The following TSPAN18 variants were observed in gnomAD, a reference collection of about 807,000 sequenced individuals.
TSPAN18 encodes tetraspanin 18.
In TSPAN18, 14 loss-of-function variants were observed where a neutral mutation model predicts 27.3. The ratio of observed to expected loss-of-function variants is 0.51; its 90% CI spans 0.34 to 0.80. TSPAN18 has a LOEUF of 0.80. Ranked by LOEUF, TSPAN18 falls within the 30% of genes least tolerant of loss-of-function variation. TSPAN18 has a pLI of 0.01. For missense variants in TSPAN18, 268 were observed against 323.9 expected (o/e 0.83, Z 1.32); for synonymous variants, 143 against 136.5 (o/e 1.05, Z -0.33).
chr11:44,850,351 T>C (rs1857572398), intron 2 of TSPAN18, among the ~76,000 whole-genome samples: 1 of 152,036 alleles, frequency 6.6e-6, no homozygotes, highest in South Asian at 2.1e-4. Flanking sequence ...CTTGTGTGGT[T>C]GGGGTGTGGT....
At chr11:44,815,312 G>A (rs1856798553) in intron 2 of TSPAN18, among the ~76,000 whole-genome samples, 1 of 152,194 alleles carries the variant, frequency 6.6e-6, no homozygotes, top group Admixed American at 6.5e-5. Context: ...TCGAAACAAG[G>A]GACCAAAATG....
chr11:44,883,153 G>A (rs934177937), intron 3 of TSPAN18, among the ~76,000 whole-genome samples: 4 of 152,164 alleles, frequency 2.6e-5, no homozygotes, highest in Admixed American at 6.5e-5. Context: ...CAAGAGTTCT[G>A]TTTCATTAAA....
chr11:44,769,003 C>G (rs548858807), intron 2 of TSPAN18, among the ~76,000 whole-genome samples: 3 of 148,482 alleles, frequency 2.0e-5, no homozygotes, highest in African/African-American at 7.5e-5. Context: ...TTAAGAAATT[C>G]TCTGCCTCAG....
In TSPAN18 at chr11:44,786,539, G is replaced by A. The variant is rs564019113; in HGVS notation, c.-153+22027G>A. Among the ~76,000 whole-genome samples, 7 of 151,852 alleles carry A rather than the reference G, an allele frequency of 4.6e-5. No homozygotes were observed. In the East Asian group the frequency reaches 7.8e-4, roughly 17 times the overall value. ...GCAAGCATGAGGGCTCTCCTCCCCC[G>A]GACCCTGCTGGTGAGTGGAAGTTGC... On this transcript the variant is annotated intron_variant, in intron 2 of 9. Coordinates refer to ENST00000520358, the MANE Select transcript of TSPAN18 (RefSeq NM_130783.5).
chr11:44,922,970 G>T lies in TSPAN18; in HGVS notation c.615+2971G>T, dbSNP rs532928075. ...CTAAAAATACAAAAATTAGCCTGGC[G>T]TGGTGGCATGTGCCTATAATCCCAG... On this transcript the variant is annotated intron_variant, in intron 8 of 9. Transcript: ENST00000520358. 7.2e-5 allele frequency among the ~76,000 whole-genome samples: 11 copies of T among 152,282 alleles called. No homozygotes were observed. The East Asian group carries it at 7.7e-4, about 11-fold the overall frequency.
intron 1 of TSPAN18, among the ~76,000 whole-genome samples, chr11:44,742,149 G>T (rs1004863927): frequency 6.6e-6 from 1 of 152,082 alleles, no homozygotes; most frequent in Non-Finnish European, 1.5e-5. Context: ...CTGAAGCATA[G>T]CAAGACCTGG....
intron 3 of TSPAN18, among the ~76,000 whole-genome samples, chr11:44,902,031 C>T (rs1040367830): frequency 3.9e-5 from 6 of 152,276 alleles, no homozygotes; most frequent in African/African-American, 9.6e-5. Context: ...TGAAGATGCA[C>T]GGAGCTGAAG....
intron 2 of TSPAN18, among the ~76,000 whole-genome samples, chr11:44,802,285 G>T (rs919545593): frequency 6.6e-6 from 1 of 151,496 alleles, no homozygotes; most frequent in African/African-American, 2.4e-5. Context: ...GATGGGTTCT[G>T]GGACCCAGAG....
In TSPAN18 at chr11:44,928,999, T is replaced by C; in HGVS notation, c.700-132T>C. 6.1e-6 allele frequency: 7 copies of C among 1,150,454 alleles called. No individual in the cohort carries two copies. The South Asian group carries it at 9.3e-5, about 15-fold the overall frequency. 71.3% of individuals were successfully genotyped at this position (1,150,454 alleles called of 1,614,324 possible). A position where few individuals can be genotyped will look rare whatever the true frequency, so the allele number is the denominator to read the frequency against. On this transcript the variant is annotated intron_variant, in intron 9 of 9. Transcript: ENST00000520358. ...GTGAGAAGGGCTGGCCCCAGGGGAA[T>C]GTCAGGAATCCTTAGGGGAGGAGTG...
chr11:44,929,085 G>A (rs747060284), intron 9 of TSPAN18, 46 bp from the exon 10 acceptor site: 1 of 1,611,656 alleles, frequency 6.2e-7, no homozygotes, highest in Non-Finnish European at 8.5e-7. Flanking sequence ...GCCCACAAAG[G>A]GCCCAGCCTG....
chr11:44,782,849 T>C lies in TSPAN18; in HGVS notation c.-153+18337T>C, dbSNP rs892649556. Among the ~76,000 whole-genome samples, 8 of 152,192 alleles carry C rather than the reference T, an allele frequency of 5.3e-5. No homozygotes were observed. The East Asian group carries it at 5.8e-4, about 11-fold the overall frequency. Reference sequence around the variant, plus strand: ...TGTTCAAGTCATTTGCTCTTTTTTTTAGACAGTCTTGCTCTGTCTCCCAGG... The same window carrying C: ...TGTTCAAGTCATTTGCTCTTTTTTTCAGACAGTCTTGCTCTGTCTCCCAGG... On this transcript the variant is annotated intron_variant, in intron 2 of 9. Coordinates refer to ENST00000520358, the MANE Select transcript of TSPAN18 (RefSeq NM_130783.5).
Position 44,932,006 on chromosome 11 carries a change from A to C in TSPAN18, c.*2828A>C, listed in dbSNP as rs116797554. The stretch of plus-strand genomic sequence containing the variant: ...AGCTACTGCCTCTTAGAGAAAGGGA[A>C]TAGCTCTTTATGGGCTGGGGGTGAG... On this transcript the variant is annotated 3_prime_UTR_variant, in exon 10 of 10. Coordinates refer to ENST00000520358, the MANE Select transcript of TSPAN18 (RefSeq NM_130783.5). 1,334 of 152,368 alleles carry C rather than the reference A, an allele frequency of 8.8e-3. 19 individuals are homozygous for C. Among genetic ancestry groups the C allele is most frequent in the African/African-American group, 0.031 (1,272 of 41,570 alleles). 9.4% of individuals were successfully genotyped at this position (152,368 alleles called of 1,614,324 possible). A position where few individuals can be genotyped will look rare whatever the true frequency, so the allele number is the denominator to read the frequency against.
At chr11:44,839,782 G>A (rs960511721) in intron 2 of TSPAN18, among the ~76,000 whole-genome samples, 9 of 152,156 alleles carry the variant, frequency 5.9e-5, no homozygotes, top group African/African-American at 1.9e-4. Context: ...GGGACCAGGG[G>A]GCAACCAGAG....
intron 2 of TSPAN18, among the ~76,000 whole-genome samples, chr11:44,815,923 G>T (rs80047584): frequency 0.013 from 1,937 of 152,302 alleles, 39 homozygotes; most frequent in African/African-American, 0.043. Flanking sequence ...CAGAGCAGAT[G>T]ATGGAGTCTC....
rs185474910 is a variant in TSPAN18, at chr11:44,887,746, C to T, written c.-10-18661C>T. ...TGACACTAAATGCACCAAGGAAAGC[C>T]GGAAGCTCCCTGCACCCTTTTCTGC... On this transcript the variant is annotated intron_variant, in intron 3 of 9. Transcript: ENST00000520358. Among the ~76,000 whole-genome samples, 66 of 152,194 alleles carry T rather than the reference C, an allele frequency of 4.3e-4. 1 individual carries two copies. Among genetic ancestry groups the T allele is most frequent in the Non-Finnish European group, 8.1e-4 (55 of 67,992 alleles).
At chr11:44,838,577 G>C (rs979717123) in intron 2 of TSPAN18, among the ~76,000 whole-genome samples, 1 of 152,106 alleles carries the variant, frequency 6.6e-6, no homozygotes, top group Non-Finnish European at 1.5e-5. Flanking sequence ...AAATCACACG[G>C]GTCCTTACAA....
chr11:44,813,808 C>G (rs1856768903), intron 2 of TSPAN18, among the ~76,000 whole-genome samples: 1 of 152,202 alleles, frequency 6.6e-6, no homozygotes. Context: ...CAGACTATCA[C>G]AGAGGGCTGA....
chr11:44,926,871 C>G (rs968702407), intron 9 of TSPAN18, 114 bp downstream of exon 9: 1 of 1,186,614 alleles, frequency 8.4e-7, no homozygotes, highest in Non-Finnish European at 1.2e-6. Flanking sequence ...ACCCAAGGGG[C>G]CCCCACTGTG....
At chr11:44,872,839 A>T (rs1007344103) in intron 3 of TSPAN18, among the ~76,000 whole-genome samples, 1 of 152,178 alleles carries the variant, frequency 6.6e-6, no homozygotes, top group Non-Finnish European at 1.5e-5. Flanking sequence ...AATATTAAGT[A>T]ATATTTATTA....
Sources: gnomAD v4.1 joint callset for allele counts (sites outside exome capture counted in the v4.1 genomes callset) on GRCh38, gnomAD v4.1.1 for gene constraint, MANE v1.5 for transcripts, NCBI Gene and HGNC (gene_info 2026-07-23, HGNC 2026-07-21) for gene names.